ZNF677: variants seen among roughly 807,000 people sequenced by gnomAD.
The protein encoded by ZNF677 is zinc finger protein 677.
Under a neutral mutation model 8.1 loss-of-function variants are expected in ZNF677, and 5 were observed. That is an observed-to-expected ratio of 0.62 (90% CI 0.32 to 1.29). The LOEUF (loss-of-function observed/expected upper bound fraction) is 1.29, where lower values mean the gene tolerates loss of function less well. Ranked by LOEUF, ZNF677 falls within the 50% of genes most tolerant of loss-of-function variation. ZNF677 has a pLI of 0.05. For synonymous variants in ZNF677, 221 were observed against 225.6 expected (o/e 0.98, Z 0.18); for missense variants, 685 against 685.9 (o/e 1.00, Z 0.01).
intron 3 of ZNF677, among the ~76,000 whole-genome samples, chr19:53,246,399 T>C (rs1290066092): frequency 1.3e-5 from 2 of 150,790 alleles, no homozygotes; most frequent in Non-Finnish European, 2.9e-5. Context: ...TGAAGAGAGA[T>C]AGGTACTTCC....
chr19:53,252,127 C>G (rs1057283783), intron 2 of ZNF677, among the ~76,000 whole-genome samples: 8 of 152,266 alleles, frequency 5.3e-5, no homozygotes, highest in South Asian at 4.1e-4. Flanking sequence ...GAATAAAAAG[C>G]TGAGAGAGAA....
intron 4 of ZNF677, chr19:53,243,510 A>G (rs1391495027): frequency 1.8e-6 from 1 of 548,518 alleles, no homozygotes; most frequent in Admixed American, 3.6e-5. Context: ...CGTTTTCCAT[A>G]AGGTTTTGTA....
chr19:53,239,533 C>A (rs2091015133), intron 4 of ZNF677: 2 of 149,626 alleles, frequency 1.3e-5, no homozygotes, highest in South Asian at 2.1e-4. Flanking sequence ...GTTCTATGGC[C>A]AAAAAATACA....
chr19:53,252,887 T>C (rs1599926889), intron 2 of ZNF677, among the ~76,000 whole-genome samples, 199 bp downstream of exon 2: 1 of 152,264 alleles, frequency 6.6e-6, no homozygotes, highest in East Asian at 1.9e-4. Context: ...CAGTCAAAAA[T>C]CCAGGTATAA....
In ZNF677 at chr19:53,237,806, A is replaced by C. The variant is rs2090989705; in HGVS notation, c.921T>G (p.Thr307=). ...GKAFNQCSNL[T]RHQRVHTGEK... The stretch of plus-strand genomic sequence containing the variant: ...CTCCTGTATGGACTCTCTGATGCCT[A>C]GTGAGGTTCGAACACTGGTTAAAGG... Residue 307 remains threonine, a synonymous_variant, in exon 5 of 5, where the codon ACT becomes ACG. Coordinates refer to ENST00000598513, the MANE Select transcript of ZNF677 (RefSeq NM_182609.4). 6.2e-7 allele frequency: 1 copy of C among 1,612,842 alleles called. No individual in the cohort carries two copies. The highest frequency in any genetic ancestry group is 1.7e-5 in the Admixed American group (1 of 59,918).
chr19:53,246,901 C>T (rs1331452724), intron 3 of ZNF677, among the ~76,000 whole-genome samples: 1 of 151,886 alleles, frequency 6.6e-6, no homozygotes, highest in Non-Finnish European at 1.5e-5. Flanking sequence ...ATAAAGACAG[C>T]AAGAAAAAAA....
intron 1 of ZNF677, among the ~76,000 whole-genome samples, chr19:53,253,875 GAAT>G (rs1009011616): frequency 1.3e-5 from 2 of 152,068 alleles, no homozygotes; most frequent in Non-Finnish European, 2.9e-5. Context: ...AAAAAGGAGG[GAAT>G]AATATTGTTA....
In ZNF677 at chr19:53,235,434, A is replaced by C. The variant is rs1255478685; in HGVS notation, c.*1538T>G. On this transcript the variant is annotated 3_prime_UTR_variant, in exon 5 of 5. Coordinates refer to ENST00000598513, the MANE Select transcript of ZNF677 (RefSeq NM_182609.4). ...TACTAATTAAGACATAAGAAGTATA[A>C]TATATTCTAAATAAAATGGTATCAA... is the stretch of plus-strand genomic sequence containing the variant. 1.3e-5 allele frequency: 2 copies of C among 152,180 alleles called. No individual in the cohort carries two copies. The highest frequency in any genetic ancestry group is 4.8e-5 in the African/African-American group (2 of 41,434). The allele number at this position is 152,180 out of a possible 1,614,324, so 9.4% of individuals were successfully genotyped here. A position where few individuals can be genotyped will look rare whatever the true frequency, so the allele number is the denominator to read the frequency against.
At chr19:53,251,759 C>T in intron 2 of ZNF677, 154 bp from the exon 3 acceptor site, 1 of 574,312 alleles carries the variant, frequency 1.7e-6, no homozygotes, top group East Asian at 3.1e-5. Flanking sequence ...AAAATTAACT[C>T]CTAAACAGAG....
At position 53,241,215 on chromosome 19, in the gene ZNF677, C is replaced by T. The variant is rs563389211; in HGVS notation, c.169+2529G>A. On this transcript the variant is annotated intron_variant, in intron 4 of 4. Transcript: ENST00000598513. ...GCAGAAAAAAATATATATAATAAAA[C>T]AATATTCATTCATCTCATGGCCCCA... 6 of 151,834 alleles carry T rather than the reference C, an allele frequency of 4.0e-5. No individual in the cohort carries two copies. The East Asian group carries it at 1.2e-3, about 29-fold the overall frequency. 9.4% of individuals were successfully genotyped at this position (151,834 alleles called of 1,614,324 possible).
At chr19:53,254,199 G>A (rs1005715296) in intron 1 of ZNF677, among the ~76,000 whole-genome samples, 1 of 151,566 alleles carries the variant, frequency 6.6e-6, no homozygotes, top group Admixed American at 6.6e-5. Context: ...GGATTTGGGT[G>A]CCCCCCCCTT....
intron 3 of ZNF677, among the ~76,000 whole-genome samples, chr19:53,246,360 T>A (rs915179098): frequency 1.3e-5 from 2 of 151,678 alleles, no homozygotes; most frequent in East Asian, 3.9e-4. Context: ...CTTCTGGGTA[T>A]ATATCCAAAA....
At chr19:53,246,904 GA>G (rs1259329098) in intron 3 of ZNF677, among the ~76,000 whole-genome samples, 2 of 152,032 alleles carry the variant, frequency 1.3e-5, no homozygotes, top group Non-Finnish European at 2.9e-5. Context: ...AAGACAGCAA[GA>G]AAAAAACTTT....
At chr19:53,246,036 C>T (rs922388455) in intron 3 of ZNF677, among the ~76,000 whole-genome samples, 3 of 141,608 alleles carry the variant, frequency 2.1e-5, no homozygotes, top group African/African-American at 8.0e-5. Context: ...ATAAAATGAC[C>T]GGCTGGGTGC....
intron 3 of ZNF677, 187 bp from the exon 4 acceptor site, chr19:53,244,084 G>C (rs1450401319): frequency 1.7e-6 from 1 of 583,934 alleles, no homozygotes; most frequent in Non-Finnish European, 2.9e-6. Context: ...ATTTGAGGCT[G>C]GGTGCAGTGG....
chr19:53,241,712 T>C (rs1479071615), intron 4 of ZNF677: 1 of 394,348 alleles, frequency 2.5e-6, no homozygotes, highest in South Asian at 1.3e-4. Flanking sequence ...CTCAGCATAC[T>C]GGGACATGCA....
chr19:53,237,653 C>G lies in ZNF677; in HGVS notation c.1074G>C (p.Gln358His). Residue 358 changes from glutamine (Q) to histidine (H), a missense_variant, in exon 5 of 5, where the codon CAG (glutamine) becomes CAC (histidine). Physicochemically the swap from Gln to His is conservative, Grantham distance 24. Coordinates refer to ENST00000598513, the MANE Select transcript of ZNF677 (RefSeq NM_182609.4). ...KCNECGKAFIQRSHLWGHERI... is the reference protein window; with the variant it reads ...KCNECGKAFIHRSHLWGHERI... The stretch of plus-strand genomic sequence containing the variant: ...TTTCATGACCCCAAAGGTGTGAACG[C>G]TGGATAAATGCCTTACCACATTCAT... 2 of 1,612,772 alleles carry G rather than the reference C, an allele frequency of 1.2e-6. No individual in the cohort carries two copies. Among genetic ancestry groups the G allele is most frequent in the Non-Finnish European group, 8.5e-7 (1 of 1,179,458 alleles).
chr19:53,245,868 C>T (rs959511117), intron 3 of ZNF677, among the ~76,000 whole-genome samples: 19 of 152,032 alleles, frequency 1.2e-4, no homozygotes, highest in African/African-American at 3.9e-4. Context: ...AAAAATTAGC[C>T]AGACGTGGTG....
At chr19:53,243,653 C>G in intron 4 of ZNF677, 91 bp downstream of exon 4, 1 of 1,568,202 alleles carries the variant, frequency 6.4e-7, no homozygotes, top group South Asian at 1.2e-5. Context: ...TCAATCTCCC[C>G]TTTTAGAACA....
Sources: gnomAD v4.1 joint callset for allele counts (sites outside exome capture counted in the v4.1 genomes callset) on GRCh38, gnomAD v4.1.1 for gene constraint, MANE v1.5 for transcripts, NCBI Gene and HGNC (gene_info 2026-07-23, HGNC 2026-07-21) for gene names.